STARD13: variants seen among roughly 807,000 people sequenced by gnomAD.
STARD13 encodes the protein StAR related lipid transfer domain containing 13.
In STARD13, 62 loss-of-function variants were observed where a neutral mutation model predicts 106.4. The ratio of observed to expected loss-of-function variants is 0.58; its 90% CI spans 0.48 to 0.72. The LOEUF (loss-of-function observed/expected upper bound fraction) is 0.72, where lower values mean the gene tolerates loss of function less well. Among genes scored for constraint, STARD13 ranks in the 30% least tolerant of loss-of-function variants. STARD13 has a pLI of 0.00. For missense variants in STARD13, 1,387 were observed against 1,424.0 expected (o/e 0.97, Z 0.42); for synonymous variants, 565 against 553.0 (o/e 1.02, Z -0.31).
intron 12 of STARD13, among the ~76,000 whole-genome samples, chr13:33,107,775 G>A (rs888116920): frequency 2.0e-5 from 3 of 152,000 alleles, no homozygotes; most frequent in Non-Finnish European, 4.4e-5. Context: ...CTTGAAAAAA[G>A]GTTGTGGATG....
chr13:33,209,776 A>G (rs9596960), intron 1 of STARD13, among the ~76,000 whole-genome samples: 51,538 of 151,538 alleles, frequency 0.34, 9,000 homozygotes, highest in Middle Eastern at 0.44. Flanking sequence ...TTCAAGACCA[A>G]CCTAGGCAAC....
At chr13:33,169,964 A>G (rs1055304943) in intron 1 of STARD13, among the ~76,000 whole-genome samples, 7 of 152,194 alleles carry the variant, frequency 4.6e-5, no homozygotes, top group Admixed American at 2.0e-4. Flanking sequence ...AATTGAACTC[A>G]TGGACATAGA....
At chr13:33,477,306 C>T in the STARD13 span, among the ~76,000 whole-genome samples, 1 of 152,166 alleles carries the variant, frequency 6.6e-6, no homozygotes, top group African/African-American at 2.4e-5. Context: ...TCCTGTCTGG[C>T]CTAAAATGTT....
chr13:33,636,407 T>C, the STARD13 span, among the ~76,000 whole-genome samples: 1 of 152,062 alleles, frequency 6.6e-6, no homozygotes, highest in Non-Finnish European at 1.5e-5. Flanking sequence ...AGGGAACGTG[T>C]AAAATTCATT....
the STARD13 span, among the ~76,000 whole-genome samples, chr13:33,562,454 T>G: frequency 6.8e-6 from 1 of 146,904 alleles, no homozygotes; most frequent in Admixed American, 7.0e-5. Flanking sequence ...TCAGGAAACC[T>G]TCCTGGACTC....
chr13:33,651,748 A>G, the STARD13 span, among the ~76,000 whole-genome samples: 1 of 152,218 alleles, frequency 6.6e-6, no homozygotes, highest in African/African-American at 2.4e-5. Context: ...ACTGTGCCTA[A>G]TAGAGTATGT....
the STARD13 span, among the ~76,000 whole-genome samples, chr13:33,560,669 A>T: frequency 6.6e-6 from 1 of 151,538 alleles, no homozygotes; most frequent in Non-Finnish European, 1.5e-5. Context: ...TTCACTTGTA[A>T]GCCCACAAGC....
intron 1 of STARD13, among the ~76,000 whole-genome samples, chr13:33,322,248 C>T (rs541502949): frequency 3.4e-4 from 51 of 152,138 alleles, no homozygotes; most frequent in Admixed American, 5.9e-4. Flanking sequence ...ACAAGAATGG[C>T]TTGGATGTCC....
the STARD13 span, among the ~76,000 whole-genome samples, chr13:33,528,212 ATG>A: frequency 5.2e-4 from 65 of 126,088 alleles, 1 homozygote; most frequent in African/African-American, 7.1e-4. Flanking sequence ...ATACAGATAC[ATG>A]TGTGTGTGTG....
At chr13:33,156,672 C>G (rs999005866) in intron 3 of STARD13, among the ~76,000 whole-genome samples, 5 of 152,064 alleles carry the variant, frequency 3.3e-5, no homozygotes, top group African/African-American at 1.2e-4. Context: ...TGTTAACAGC[C>G]CATCTTTACA....
intron 1 of STARD13, chr13:33,333,847 G>C (rs887677233): frequency 6.6e-6 from 1 of 152,232 alleles, no homozygotes; most frequent in Admixed American, 6.5e-5. Context: ...GCTCAGGAAT[G>C]AGTGGCCAAG....
At chr13:33,509,214 A>G in the STARD13 span, among the ~76,000 whole-genome samples, 1 of 152,154 alleles carries the variant, frequency 6.6e-6, no homozygotes, top group Non-Finnish European at 1.5e-5. Context: ...ATAGGAAAGG[A>G]ACGACCTTCA....
At chr13:33,430,924 G>A in the STARD13 span, among the ~76,000 whole-genome samples, 13 of 152,290 alleles carry the variant, frequency 8.5e-5, no homozygotes, top group East Asian at 2.5e-3. Context: ...ATAGAAGGGA[G>A]GTGGAGGTGA....
the STARD13 span, among the ~76,000 whole-genome samples, chr13:33,644,973 G>A: frequency 6.6e-6 from 1 of 152,168 alleles, no homozygotes; most frequent in South Asian, 2.1e-4. Flanking sequence ...TTTCTGGGCA[G>A]AATCTTGCTG....
the STARD13 span, among the ~76,000 whole-genome samples, chr13:33,646,291 C>G: frequency 1.3e-5 from 2 of 152,164 alleles, no homozygotes; most frequent in African/African-American, 2.4e-5. Flanking sequence ...GATCTTAAAA[C>G]GCGACATGGT....
intron 1 of STARD13, among the ~76,000 whole-genome samples, chr13:33,266,693 A>G (rs777338938): frequency 1.3e-5 from 2 of 152,038 alleles, no homozygotes; most frequent in Non-Finnish European, 1.5e-5. Flanking sequence ...TCTTTACCTT[A>G]CCACTCTGTT....
At chr13:33,512,476 C>CT in the STARD13 span, among the ~76,000 whole-genome samples, 74 of 151,554 alleles carry the variant, frequency 4.9e-4, no homozygotes, top group Non-Finnish European at 8.6e-4. Flanking sequence ...CTCTTTTTTT[C>CT]TTTTTTTTGA....
chr13:33,578,283 G>A, the STARD13 span, among the ~76,000 whole-genome samples: 15 of 152,130 alleles, frequency 9.9e-5, no homozygotes, highest in Admixed American at 8.5e-4. Flanking sequence ...AAACGGCATG[G>A]TATTGGTATA....
At chr13:33,265,844 A>G (rs1890869556) in intron 1 of STARD13, among the ~76,000 whole-genome samples, 1 of 152,056 alleles carries the variant, frequency 6.6e-6, no homozygotes, top group Admixed American at 6.6e-5. Context: ...AAAAATCTCA[A>G]GCAGAAGGTA....
Sources: gnomAD v4.1 joint callset for allele counts (sites outside exome capture counted in the v4.1 genomes callset) on GRCh38, gnomAD v4.1.1 for gene constraint, MANE v1.5 for transcripts, NCBI Gene and HGNC (gene_info 2026-07-23, HGNC 2026-07-21) for gene names.